MSMB: variants seen among roughly 807,000 people sequenced by gnomAD.
The protein encoded by MSMB is microseminoprotein beta.
In MSMB, 10 loss-of-function variants were observed where a neutral mutation model predicts 10.5. The observed-to-expected ratio is 0.95, with a 90% CI of 0.59 to 1.62. The LOEUF (loss-of-function observed/expected upper bound fraction) is 1.62. MSMB is among the 40% of genes most tolerant of loss of function. The pLI is 0.00. For synonymous variants in MSMB, 43 were observed against 46.5 expected (o/e 0.93, Z 0.30); for missense variants, 126 against 137.4 (o/e 0.92, Z 0.42).
chr10:46,034,399 G>A (rs1415857225), intron 3 of MSMB, among the ~76,000 whole-genome samples: 1 of 151,522 alleles, frequency 6.6e-6, no homozygotes, highest in African/African-American at 2.4e-5. Context: ...CAAAGTGCTG[G>A]GATTACAGGC....
At chr10:46,043,146 G>A (rs1840790953) in intron 1 of MSMB, among the ~76,000 whole-genome samples, 1 of 152,098 alleles carries the variant, frequency 6.6e-6, no homozygotes. Context: ...GGCTCCTGGG[G>A]TACTGGGGAT....
chr10:46,033,348 A>G lies in MSMB; in HGVS notation c.*74T>C. On this transcript the variant is annotated 3_prime_UTR_variant, in exon 4 of 4. Transcript: ENST00000582163. ...AATCTTTTTACTGATAGGCATGGCT[A>G]CACAATCATTGACTATTAGAGGCCA... is the stretch of plus-strand genomic sequence containing the variant. The G allele has an allele frequency of 4.5e-6, 7 of 1,557,660 alleles. No homozygotes were observed. The highest frequency in any genetic ancestry group is 6.1e-6 in the Non-Finnish European group (7 of 1,150,222).
intron 1 of MSMB, among the ~76,000 whole-genome samples, chr10:46,042,736 T>G (rs1264508783): frequency 6.6e-6 from 1 of 152,198 alleles, no homozygotes; most frequent in East Asian, 1.9e-4. Context: ...TGAAGTCACA[T>G]GAGCAATTGA....
At position 46,040,174 on chromosome 10, in the gene MSMB, G is replaced by A. The variant is rs117488930; in HGVS notation, c.4-83C>T. The A allele has an allele frequency of 4.7e-3, 5,580 of 1,190,164 alleles. 38 individuals carry two copies. Among genetic ancestry groups the A allele is most frequent in the African/African-American group, 0.015 (987 of 66,862 alleles). The allele number at this position is 1,190,164 out of a possible 1,614,324, so 73.7% of individuals were successfully genotyped here. A position where few individuals can be genotyped will look rare whatever the true frequency, so the allele number is the denominator to read the frequency against. On this transcript the variant is annotated intron_variant, in intron 1 of 3. Transcript: ENST00000582163. Reference sequence around the variant, plus strand: ...ACTGAGTGCTGTGTACCAGGATCTCGGCTGGGCTCTGCTGAGAGGTTATGA... The same window carrying A: ...ACTGAGTGCTGTGTACCAGGATCTCAGCTGGGCTCTGCTGAGAGGTTATGA...
intron 3 of MSMB, among the ~76,000 whole-genome samples, chr10:46,036,954 A>G (rs1380400478): frequency 3.3e-5 from 5 of 152,236 alleles, no homozygotes; most frequent in African/African-American, 1.2e-4. Context: ...AAATTTCTGG[A>G]GCCACAAAAT....
At chr10:46,037,335 C>T (rs782792945) in intron 3 of MSMB, among the ~76,000 whole-genome samples, 12 of 152,276 alleles carry the variant, frequency 7.9e-5, no homozygotes, top group Admixed American at 5.9e-4. Flanking sequence ...TTGCGAAATG[C>T]CCCTTGACAC....
At chr10:46,045,224 T>C (rs1278707066) in intron 1 of MSMB, among the ~76,000 whole-genome samples, 1 of 152,174 alleles carries the variant, frequency 6.6e-6, no homozygotes, top group Non-Finnish European at 1.5e-5. Flanking sequence ...TGGGTTTTTA[T>C]AAATTTTGAA....
intron 1 of MSMB, among the ~76,000 whole-genome samples, chr10:46,042,289 GACAC>G (rs1310793476): frequency 1.3e-5 from 2 of 151,778 alleles, no homozygotes; most frequent in African/African-American, 4.8e-5. Context: ...TTCACACACA[GACAC>G]ACACACACAG....
At chr10:46,033,889 T>C (rs1313283904) in intron 3 of MSMB, among the ~76,000 whole-genome samples, 6 of 152,058 alleles carry the variant, frequency 3.9e-5, no homozygotes, top group Admixed American at 3.9e-4. Context: ...TGCTAGAATG[T>C]GGAAAGGAAA....
rs187879287 is a variant in MSMB at position 46,045,972 on chromosome 10, T to C, written c.3+263A>G. Among the ~76,000 whole-genome samples, 524 of 152,328 alleles carry C rather than the reference T, an allele frequency of 3.4e-3. 3 individuals are homozygous for C. The highest frequency in any genetic ancestry group is 0.017 in the Middle Eastern group (5 of 294). ...AGGACCCAAGAATTAGAGACACTTA[T>C]GAAATCTAATTGAACCCCAGAATTA... is the stretch of plus-strand genomic sequence containing the variant. On this transcript the variant is annotated intron_variant, in intron 1 of 3. Transcript: ENST00000582163.
At chr10:46,039,395 T>C (rs1840691603) in intron 2 of MSMB, among the ~76,000 whole-genome samples, 1 of 152,358 alleles carries the variant, frequency 6.6e-6, no homozygotes, top group South Asian at 2.1e-4. Context: ...ACCACATTTT[T>C]TCCTACTGGA....
chr10:46,042,195 A>G (rs1242652611), intron 1 of MSMB, among the ~76,000 whole-genome samples: 1 of 152,226 alleles, frequency 6.6e-6, no homozygotes, highest in African/African-American at 2.4e-5. Flanking sequence ...AAAGATATCA[A>G]ATTTTCAGAA....
chr10:46,042,686 T>C, intron 1 of MSMB, among the ~76,000 whole-genome samples: 1 of 152,176 alleles, frequency 6.6e-6, no homozygotes, highest in East Asian at 1.9e-4. Context: ...TGGAGAACAG[T>C]GACTCAGAAA....
At chr10:46,035,570 G>C (rs929467196) in intron 3 of MSMB, among the ~76,000 whole-genome samples, 7 of 152,212 alleles carry the variant, frequency 4.6e-5, no homozygotes, top group African/African-American at 1.7e-4. Context: ...AACACAGTGT[G>C]ATTGTATTTA....
chr10:46,034,653 G>A (rs977491868), intron 3 of MSMB, among the ~76,000 whole-genome samples: 2 of 151,324 alleles, frequency 1.3e-5, no homozygotes, highest in Admixed American at 6.6e-5. Flanking sequence ...GTGAAACCCC[G>A]TCTCCACTAA....
chr10:46,042,863 AT>A (rs1840783667), intron 1 of MSMB, among the ~76,000 whole-genome samples: 1 of 152,180 alleles, frequency 6.6e-6, no homozygotes, highest in Non-Finnish European at 1.5e-5. Context: ...GGATGGGGAG[AT>A]TATGACAATT....
chr10:46,038,212 G>A (rs985842135), intron 3 of MSMB, among the ~76,000 whole-genome samples: 1 of 152,130 alleles, frequency 6.6e-6, no homozygotes, highest in Non-Finnish European at 1.5e-5. Context: ...CCACAACAAT[G>A]TGAATGGACC....
At chr10:46,034,986 C>G (rs1840568341) in intron 3 of MSMB, among the ~76,000 whole-genome samples, 1 of 151,618 alleles carries the variant, frequency 6.6e-6, no homozygotes, top group Admixed American at 6.6e-5. Context: ...TTTTTTAATA[C>G]AAATAAATAA....
rs540803373 is a variant in MSMB, at chr10:46,040,364, A to C, written c.4-273T>G. Reference sequence around the variant, plus strand: ...TTGAAAGGGAAGATGGTGTTAAAAAAAATGTTGAGGAGGCCATTTGTTTGG... The same window carrying C: ...TTGAAAGGGAAGATGGTGTTAAAAACAATGTTGAGGAGGCCATTTGTTTGG... On this transcript the variant is annotated intron_variant, in intron 1 of 3. Transcript: ENST00000582163. Among the ~76,000 whole-genome samples the C allele has an allele frequency of 7.2e-5, 11 of 152,330 alleles. No individual in the cohort carries two copies. The South Asian group carries it at 1.7e-3, about 23-fold the overall frequency.
Sources: allele counts gnomAD v4.1 joint callset (sites outside exome capture counted in the v4.1 genomes callset), GRCh38; gene constraint gnomAD v4.1.1; transcripts MANE v1.5; gene names NCBI Gene and HGNC (gene_info 2026-07-23, HGNC 2026-07-21).